The following DCLK2 variants were observed in gnomAD, a reference collection of about 807,000 sequenced individuals.
DCLK2 encodes doublecortin like kinase 2, also known as serine/threonine-protein kinase DCLK2.
In DCLK2, 31 loss-of-function variants were observed where a neutral mutation model predicts 78.4. That is an observed-to-expected ratio of 0.40 (90% CI 0.30 to 0.53). The LOEUF (loss-of-function observed/expected upper bound fraction) is 0.53. Among genes scored for constraint, DCLK2 ranks in the 20% least tolerant of loss-of-function variants. The pLI is 0.61. For missense variants in DCLK2, 872 were observed against 973.7 expected (o/e 0.90, Z 1.39); for synonymous variants, 407 against 374.9 (o/e 1.09, Z -0.99).
At position 150,232,965 on chromosome 4, in the gene DCLK2, T is replaced by C. The variant is rs1380365666; in HGVS notation, c.1566+137T>C. On this transcript the variant is annotated intron_variant, in intron 10 of 15. Transcript: ENST00000296550. ...AAATTTAGAAAATTAGCAAGACTTA[T>C]GTCAATGACCATCAAATACTAATGG... is the stretch of plus-strand genomic sequence containing the variant. 6 of 1,106,676 alleles carry C rather than the reference T, an allele frequency of 5.4e-6. No individual in the cohort carries two copies. The East Asian group carries it at 7.3e-5, about 13-fold the overall frequency. The allele number at this position is 1,106,676 out of a possible 1,614,324, so 68.6% of individuals were successfully genotyped here. A position where few individuals can be genotyped will look rare whatever the true frequency, so the allele number is the denominator to read the frequency against.
chr4:150,189,731 GAA>G (rs1738249407), intron 2 of DCLK2, among the ~76,000 whole-genome samples: 1 of 152,148 alleles, frequency 6.6e-6, no homozygotes, highest in East Asian at 1.9e-4. Context: ...CACTCACCTG[GAA>G]AAGTTACTCT....
intron 2 of DCLK2, among the ~76,000 whole-genome samples, chr4:150,142,914 T>C (rs1254263022): frequency 6.6e-6 from 1 of 151,894 alleles, no homozygotes. Context: ...ATCAGCCAAA[T>C]AGCATTGTAC....
At chr4:150,171,676 G>A (rs1736541015) in intron 2 of DCLK2, among the ~76,000 whole-genome samples, 1 of 152,222 alleles carries the variant, frequency 6.6e-6, no homozygotes, top group South Asian at 2.1e-4. Context: ...TGAGGTAGCA[G>A]AACTTGAGGA....
At chr4:150,100,481 T>G (rs1036710343) in intron 1 of DCLK2, among the ~76,000 whole-genome samples, 1 of 152,206 alleles carries the variant, frequency 6.6e-6, no homozygotes, top group Non-Finnish European at 1.5e-5. Flanking sequence ...TGTTACTCTT[T>G]ATGTTGGGAC....
At chr4:150,090,362 C>T (rs143588309) in intron 1 of DCLK2, among the ~76,000 whole-genome samples, 178 of 152,252 alleles carry the variant, frequency 1.2e-3, no homozygotes, top group African/African-American at 4.0e-3. Flanking sequence ...TCCAAGATCG[C>T]GCCATTACAC....
At chr4:150,102,353 A>C (rs1359835611) in intron 1 of DCLK2, 125 bp from the exon 2 acceptor site, 4 of 800,058 alleles carry the variant, frequency 5.0e-6, no homozygotes. Context: ...AAGGGTGAAC[A>C]TCCCCTTTTA....
At chr4:150,239,564 G>A (rs564745697) in intron 10 of DCLK2, among the ~76,000 whole-genome samples, 178 bp from the exon 11 acceptor site, 1 of 152,048 alleles carries the variant, frequency 6.6e-6, no homozygotes, top group South Asian at 2.1e-4. Flanking sequence ...TCACACCACC[G>A]CACTCCAGCC....
At chr4:150,210,514 G>C (rs772944450) in intron 5 of DCLK2, among the ~76,000 whole-genome samples, 1 of 151,996 alleles carries the variant, frequency 6.6e-6, no homozygotes, top group Non-Finnish European at 1.5e-5. Context: ...ACTCTACTAG[G>C]AACAGATTAT....
At chr4:150,219,258 CTTT>C (rs375592229) in intron 5 of DCLK2, among the ~76,000 whole-genome samples, 50 of 72,136 alleles carry the variant, frequency 6.9e-4, no homozygotes, top group African/African-American at 2.4e-3. Flanking sequence ...CACAAACATT[CTTT>C]TTTTTTTTTT....
At chr4:150,107,071 C>T (rs775459000) in intron 2 of DCLK2, among the ~76,000 whole-genome samples, 2 of 152,112 alleles carry the variant, frequency 1.3e-5, no homozygotes, top group Admixed American at 6.5e-5. Flanking sequence ...CACTGGCATC[C>T]GGTGGGTAGA....
chr4:150,222,260 C>T (rs541487045), intron 7 of DCLK2, among the ~76,000 whole-genome samples: 2 of 152,174 alleles, frequency 1.3e-5, no homozygotes, highest in African/African-American at 4.8e-5. Flanking sequence ...CAGCAGGGAT[C>T]AGCCATTTTG....
intron 2 of DCLK2, among the ~76,000 whole-genome samples, chr4:150,103,105 TGAG>T (rs10598188): frequency 0.38 from 56,973 of 151,792 alleles, 10,901 homozygotes; most frequent in Non-Finnish European, 0.42. Context: ...AAGTATAAGT[TGAG>T]GAGACATCCT....
intron 7 of DCLK2, among the ~76,000 whole-genome samples, chr4:150,224,010 T>A (rs1741403661): frequency 6.6e-6 from 1 of 152,218 alleles, no homozygotes; most frequent in Non-Finnish European, 1.5e-5. Flanking sequence ...CTTTATTCTG[T>A]CTCCTAAGAG....
At chr4:150,186,346 T>C (rs1021470451) in intron 2 of DCLK2, among the ~76,000 whole-genome samples, 2 of 152,314 alleles carry the variant, frequency 1.3e-5, no homozygotes, top group South Asian at 4.1e-4. Context: ...ACAGAATATG[T>C]TGTAAAACAT....
intron 2 of DCLK2, among the ~76,000 whole-genome samples, chr4:150,109,685 T>C (rs550540027): frequency 1.3e-5 from 2 of 152,338 alleles, no homozygotes; most frequent in African/African-American, 4.8e-5. Context: ...AGTTTTGTCT[T>C]ACTAAATACA....
At position 150,079,088 on chromosome 4, in the gene DCLK2, C is replaced by G. The variant is rs1363571301; in HGVS notation, c.61C>G (p.Pro21Ala). The change falls in exon 1 of 16, where the codon CCG becomes GCG. Residue 21 changes from proline (P) to alanine (A), a missense_variant. Pro to Ala is a conservative substitution (Grantham distance 27, BLOSUM62 -1). Coordinates refer to ENST00000296550, the MANE Select transcript of DCLK2 (RefSeq NM_001040260.4). The stretch of plus-strand genomic sequence containing the variant: ...TGAGGAACGGGACAAAAGGCCGCGG[C>G]CGGGGTCGCGGAGAGGGGCCCCCAG... The part of the protein sequence containing the change: ...HFEERDKRPR[P>A]GSRRGAPSSS... 1 of 1,563,940 alleles carries G rather than the reference C, an allele frequency of 6.4e-7. No individual in the cohort carries two copies. Among genetic ancestry groups the G allele is most frequent in the Non-Finnish European group, 8.6e-7 (1 of 1,158,460 alleles).
At chr4:150,096,059 G>T (rs960093124) in intron 1 of DCLK2, among the ~76,000 whole-genome samples, 4 of 152,192 alleles carry the variant, frequency 2.6e-5, no homozygotes, top group Admixed American at 6.5e-5. Flanking sequence ...TTAAAAACTT[G>T]TGACAGCTGT....
chr4:150,103,886 C>T (rs1426957220), intron 2 of DCLK2, among the ~76,000 whole-genome samples: 1 of 152,020 alleles, frequency 6.6e-6, no homozygotes, highest in Non-Finnish European at 1.5e-5. Flanking sequence ...CTCATAGCCG[C>T]CTGCCCCCAA....
At chr4:150,107,963 C>A (rs1447444400) in intron 2 of DCLK2, among the ~76,000 whole-genome samples, 1 of 151,854 alleles carries the variant, frequency 6.6e-6, no homozygotes, top group Non-Finnish European at 1.5e-5. Context: ...AGAGTGAGAT[C>A]CTGACTCAAA....
Sources: gnomAD v4.1 joint callset for allele counts (sites outside exome capture counted in the v4.1 genomes callset) on GRCh38, gnomAD v4.1.1 for gene constraint, MANE v1.5 for transcripts, NCBI Gene and HGNC (gene_info 2026-07-23, HGNC 2026-07-21) for gene names.